Variants in BPIFC observed in about 807,000 individuals in gnomAD.
BPIFC encodes BPI fold-containing family C protein.
In BPIFC, 60 loss-of-function variants were observed where a neutral mutation model predicts 57.6. The observed-to-expected ratio is 1.04, with a 90% CI of 0.85 to 1.29. BPIFC has a LOEUF of 1.29. Ranked by LOEUF, BPIFC falls within the 50% of genes most tolerant of loss-of-function variation. BPIFC has a pLI of 0.00. For missense variants in BPIFC, 581 were observed against 600.5 expected (o/e 0.97, Z 0.34); for synonymous variants, 243 against 224.5 (o/e 1.08, Z -0.74).
chr22:32,431,071 C>T (rs16990443), intron 13 of BPIFC, among the ~76,000 whole-genome samples: 9,135 of 151,210 alleles, frequency 0.06, 327 homozygotes, highest in African/African-American at 0.099. Context: ...TGGCCCATTA[C>T]AGGAGAGGTG....
chr22:32,419,232 A>G (rs1933765885), intron 14 of BPIFC, 130 bp downstream of exon 14: 6 of 966,084 alleles, frequency 6.2e-6, no homozygotes, highest in Non-Finnish European at 9.2e-6. Flanking sequence ...AAGAATTTCA[A>G]AGTTAAGTCC....
chr22:32,437,399 T>G (rs1039398432), intron 9 of BPIFC, among the ~76,000 whole-genome samples: 1 of 152,198 alleles, frequency 6.6e-6, no homozygotes, highest in Non-Finnish European at 1.5e-5. Flanking sequence ...TCATTTTGTT[T>G]TGTTTTTTTG....
At chr22:32,462,178 A>AAAAAAAAAAAAAGAAAAAAAAT (rs1935177493) in intron 1 of BPIFC, among the ~76,000 whole-genome samples, 1 of 146,460 alleles carries the variant, frequency 6.8e-6, no homozygotes, top group African/African-American at 2.7e-5. Context: ...CAAAAAAAAA[A>AAAAAAAAAAAAAGAAAAAAAAT]AAAAAAAAAA....
At chr22:32,439,682 T>C (rs1934511656) in intron 8 of BPIFC, among the ~76,000 whole-genome samples, 1 of 152,152 alleles carries the variant, frequency 6.6e-6, no homozygotes, top group African/African-American at 2.4e-5. Context: ...TGGCACAATC[T>C]TGGCTCATTG....
chr22:32,432,822 C>T (rs1469611440), intron 11 of BPIFC, among the ~76,000 whole-genome samples: 2 of 152,128 alleles, frequency 1.3e-5, no homozygotes, highest in Non-Finnish European at 2.9e-5. Context: ...ATCAGCATCC[C>T]TGTTTCATAG....
intron 14 of BPIFC, among the ~76,000 whole-genome samples, chr22:32,418,650 T>C (rs1933751026): frequency 6.6e-6 from 1 of 152,312 alleles, no homozygotes; most frequent in South Asian, 2.1e-4. Context: ...CCGGGCTCAA[T>C]AAGTATTTAT....
rs879198542 is a variant in BPIFC, at chr22:32,457,521, T to TCATC, written c.1-139_1-136dup. 1,446 of 960,120 alleles carry TCATC rather than the reference T, an allele frequency of 1.5e-3. 21 individuals carry two copies. The highest frequency in any genetic ancestry group is 0.014 in the South Asian group (838 of 58,796). 59.5% of individuals were successfully genotyped at this position (960,120 alleles called of 1,614,324 possible). A position where few individuals can be genotyped will look rare whatever the true frequency, so the allele number is the denominator to read the frequency against. ...CAATACATCCATCCAATCCATCCAT[T>TCATC]CATCCATCCATCCATCCATCCATCC... On this transcript the variant is annotated intron_variant, in intron 2 of 16. Coordinates refer to ENST00000300399, the MANE Select transcript of BPIFC (RefSeq NM_174932.3).
rs575214929 is a variant in BPIFC, at chr22:32,441,841, G to T, written c.655+830C>A. 3.7e-4 allele frequency among the ~76,000 whole-genome samples: 56 copies of T among 152,260 alleles called. 1 individual carries two copies. In the South Asian group the frequency reaches 0.011, roughly 30 times the overall value. On this transcript the variant is annotated intron_variant, in intron 8 of 16. Transcript: ENST00000300399. ...ATGATTTTTCCATGGCCTGGGGTTG[G>T]GGGGGATGGTTTCGGGATGAAACTG... is the stretch of plus-strand genomic sequence containing the variant.
chr22:32,462,849 A>T (rs948357701), intron 1 of BPIFC, among the ~76,000 whole-genome samples: 15 of 152,072 alleles, frequency 9.9e-5, no homozygotes, highest in Non-Finnish European at 2.1e-4. Context: ...AAGTTACTCA[A>T]TTTTTTTTAT....
chr22:32,450,294 T>C (rs1428606091), intron 4 of BPIFC, among the ~76,000 whole-genome samples: 1 of 152,220 alleles, frequency 6.6e-6, no homozygotes, highest in East Asian at 1.9e-4. Context: ...TTTACAGGTT[T>C]GTAGCCTAGG....
At chr22:32,426,507 C>T (rs1248523911) in intron 13 of BPIFC, among the ~76,000 whole-genome samples, 1 of 152,206 alleles carries the variant, frequency 6.6e-6, no homozygotes, top group Non-Finnish European at 1.5e-5. Flanking sequence ...CTGCTCACTG[C>T]CTGAGGTTTG....
At chr22:32,425,322 C>T (rs1934035583) in intron 13 of BPIFC, among the ~76,000 whole-genome samples, 1 of 152,128 alleles carries the variant, frequency 6.6e-6, no homozygotes, top group South Asian at 2.1e-4. Context: ...GTGCCAGGCC[C>T]TGGAGACACA....
At chr22:32,452,750 G>A (rs9606955) in intron 4 of BPIFC, among the ~76,000 whole-genome samples, 1 of 151,938 alleles carries the variant, frequency 6.6e-6, no homozygotes. Flanking sequence ...ATTATCACTG[G>A]ATGGGTAAAA....
intron 2 of BPIFC, among the ~76,000 whole-genome samples, chr22:32,458,220 G>C (rs973006998): frequency 1.3e-5 from 2 of 152,090 alleles, no homozygotes; most frequent in East Asian, 1.9e-4. Context: ...ACACACACCT[G>C]GCTCTCATGA....
intron 3 of BPIFC, among the ~76,000 whole-genome samples, chr22:32,453,947 A>C (rs537614959): frequency 2.8e-3 from 432 of 152,178 alleles, no homozygotes; most frequent in Non-Finnish European, 4.1e-3. Context: ...AACAACAAAA[A>C]AAAAAATTAA....
intron 9 of BPIFC, among the ~76,000 whole-genome samples, chr22:32,436,845 T>G (rs1377729717): frequency 6.6e-6 from 1 of 152,232 alleles, no homozygotes; most frequent in African/African-American, 2.4e-5. Context: ...ACTGCTCTCA[T>G]TAGCTATAGG....
At chr22:32,450,574 A>G (rs1447001516) in intron 4 of BPIFC, among the ~76,000 whole-genome samples, 1 of 152,164 alleles carries the variant, frequency 6.6e-6, no homozygotes, top group Non-Finnish European at 1.5e-5. Context: ...TATGTAACCA[A>G]TATAAAAATT....
At chr22:32,436,346 AGAGGAG>A (rs1216074561) in intron 9 of BPIFC, among the ~76,000 whole-genome samples, 3,478 of 92,676 alleles carry the variant, frequency 0.038, 145 homozygotes, top group African/African-American at 0.1. Context: ...AAGAAGAGGA[AGAGGAG>A]GAGGAGGAGG....
intron 16 of BPIFC, among the ~76,000 whole-genome samples, chr22:32,414,993 C>T (rs1933628480): frequency 1.3e-5 from 2 of 152,178 alleles, no homozygotes; most frequent in South Asian, 4.1e-4. Context: ...CAGCGGTCCC[C>T]AGCCTTTTTG....
Sources: allele counts gnomAD v4.1 joint callset (sites outside exome capture counted in the v4.1 genomes callset), GRCh38; gene constraint gnomAD v4.1.1; transcripts MANE v1.5; gene names NCBI Gene and HGNC (gene_info 2026-07-23, HGNC 2026-07-21).